OR2L13: variants seen among roughly 807,000 people sequenced by gnomAD.
OR2L13 encodes olfactory receptor family 2 subfamily L member 13.
Under a neutral mutation model 15.3 loss-of-function variants are expected in OR2L13, and 14 were observed. The observed-to-expected ratio is 0.91, with a 90% CI of 0.60 to 1.43. The LOEUF (loss-of-function observed/expected upper bound fraction) is 1.43, where lower values mean the gene tolerates loss of function less well. OR2L13 is among the 40% of genes most tolerant of loss of function. The probability of loss-of-function intolerance (pLI) is 0.00; values close to 1 mark genes in which losing one functional copy is unlikely to be tolerated. For synonymous variants in OR2L13, 152 were observed against 142.9 expected (o/e 1.06, Z -0.45); for missense variants, 367 against 387.9 (o/e 0.95, Z 0.45).
At chr1:248,020,110 C>T in the OR2L13 span, among the ~76,000 whole-genome samples, 84 of 152,214 alleles carry the variant, frequency 5.5e-4, no homozygotes, top group East Asian at 0.012. Flanking sequence ...GTATACATGT[C>T]TGGCTTTATA....
the OR2L13 span, among the ~76,000 whole-genome samples, chr1:248,063,771 G>T: frequency 6.8e-6 from 1 of 146,860 alleles, no homozygotes; most frequent in African/African-American, 2.5e-5. Flanking sequence ...CTGTGGTGCT[G>T]TGAAGTATTA....
At chr1:248,096,160 C>G (rs1239603912), upstream of OR2L13, among the ~76,000 whole-genome samples, 1 of 151,634 alleles carries the variant, frequency 6.6e-6, no homozygotes, top group Admixed American at 6.6e-5. Flanking sequence ...GGGCAGATCA[C>G]GAGGTCAGGA....
At chr1:248,031,548 G>C in the OR2L13 span, among the ~76,000 whole-genome samples, 2 of 152,146 alleles carry the variant, frequency 1.3e-5, no homozygotes, top group African/African-American at 4.8e-5. Flanking sequence ...GAGGAGATGG[G>C]GTCCAGTGAC....
At chr1:247,983,859 G>A in the OR2L13 span, among the ~76,000 whole-genome samples, 1 of 152,224 alleles carries the variant, frequency 6.6e-6, no homozygotes, top group Non-Finnish European at 1.5e-5. Context: ...CAGGACAGGT[G>A]TCTGCCTTAT....
the OR2L13 span, among the ~76,000 whole-genome samples, chr1:248,074,885 T>A: frequency 6.6e-6 from 1 of 152,206 alleles, no homozygotes; most frequent in East Asian, 1.9e-4. Flanking sequence ...TCTTTTTTTA[T>A]GGTTACACTT....
At chr1:248,038,333 T>G in the OR2L13 span, 4 of 1,613,706 alleles carry the variant, frequency 2.5e-6, no homozygotes, top group South Asian at 4.4e-5. Flanking sequence ...AATCAAGAAT[T>G]GGCCTTTTCG....
the OR2L13 span, among the ~76,000 whole-genome samples, chr1:247,988,343 A>T: frequency 6.6e-6 from 1 of 151,898 alleles, no homozygotes; most frequent in East Asian, 1.9e-4. Flanking sequence ...TTTATCAATT[A>T]TTGTATTTTT....
At chr1:248,003,781 T>C in the OR2L13 span, 6 of 1,613,936 alleles carry the variant, frequency 3.7e-6, no homozygotes, top group Non-Finnish European at 4.2e-6. Flanking sequence ...CATGTTCCTA[T>C]GGCCGGGTTC....
At chr1:248,017,854 T>C in the OR2L13 span, among the ~76,000 whole-genome samples, 1 of 152,138 alleles carries the variant, frequency 6.6e-6, no homozygotes, top group Non-Finnish European at 1.5e-5. Flanking sequence ...TTGTAGAATG[T>C]GTCTGGTGGG....
chr1:248,086,501 T>C, the OR2L13 span, among the ~76,000 whole-genome samples: 1 of 152,212 alleles, frequency 6.6e-6, no homozygotes, highest in African/African-American at 2.4e-5. Flanking sequence ...GGTCAGATAA[T>C]TTAATAGAAA....
chr1:247,955,014 T>G, the OR2L13 span, among the ~76,000 whole-genome samples: 1 of 152,006 alleles, frequency 6.6e-6, no homozygotes, highest in African/African-American at 2.4e-5. Flanking sequence ...TAGTTACATA[T>G]GTATACATGT....
the OR2L13 span, chr1:247,990,209 A>T: frequency 1.6e-6 from 1 of 641,152 alleles, no homozygotes; most frequent in South Asian, 1.8e-5. Context: ...ATAAGGGGGA[A>T]CTACTGTACT....
chr1:247,965,972 T>C, the OR2L13 span: 1 of 1,610,010 alleles, frequency 6.2e-7, no homozygotes, highest in East Asian at 2.2e-5. Context: ...GAGTATACAG[T>C]CCTCCTGAGT....
chr1:248,020,537 G>T, the OR2L13 span, among the ~76,000 whole-genome samples: 1 of 152,112 alleles, frequency 6.6e-6, no homozygotes, highest in African/African-American at 2.4e-5. Flanking sequence ...TTGGCATATG[G>T]ATATTCAGAT....
the OR2L13 span, among the ~76,000 whole-genome samples, chr1:248,047,435 G>A: frequency 4.7e-4 from 72 of 152,222 alleles, no homozygotes; most frequent in Middle Eastern, 3.4e-3. Flanking sequence ...AAGGTACAAC[G>A]AGAATGGTTA....
the OR2L13 span, among the ~76,000 whole-genome samples, chr1:248,031,534 G>A: frequency 6.6e-6 from 1 of 152,190 alleles, no homozygotes; most frequent in Admixed American, 6.5e-5. Flanking sequence ...GACATGCAGG[G>A]GGTGAGGAGA....
At chr1:247,985,265 C>G in the OR2L13 span, among the ~76,000 whole-genome samples, 1 of 152,096 alleles carries the variant, frequency 6.6e-6, no homozygotes. Context: ...CCCCTACCCC[C>G]TACCCCACAA....
At chr1:247,999,989 GA>G in the OR2L13 span, among the ~76,000 whole-genome samples, 1 of 152,140 alleles carries the variant, frequency 6.6e-6, no homozygotes, top group Non-Finnish European at 1.5e-5. Context: ...CCAGATTCTG[GA>G]AAATCCCATA....
the OR2L13 span, among the ~76,000 whole-genome samples, chr1:247,982,179 A>G: frequency 6.6e-6 from 1 of 152,330 alleles, no homozygotes; most frequent in African/African-American, 2.4e-5. Context: ...CTTTGAAAAT[A>G]GTTTTGATAA....
Sources: allele counts gnomAD v4.1 joint callset (sites outside exome capture counted in the v4.1 genomes callset), GRCh38; gene constraint gnomAD v4.1.1; transcripts MANE v1.5; gene names NCBI Gene and HGNC (gene_info 2026-07-23, HGNC 2026-07-21).